SYNPO: variants seen among roughly 807,000 people sequenced by gnomAD.
SYNPO encodes the protein synaptopodin.
Under a neutral mutation model 49.5 loss-of-function variants are expected in SYNPO, and 19 were observed. The observed-to-expected ratio is 0.38, with a 90% confidence interval of 0.27 to 0.56. SYNPO has a LOEUF of 0.56. SYNPO is among the 20% of genes least tolerant of loss of function. The probability of loss-of-function intolerance (pLI) is 0.68; values close to 1 mark genes in which losing one functional copy is unlikely to be tolerated. For synonymous variants in SYNPO, 536 were observed against 548.0 expected, an observed-to-expected ratio of 0.98 and a Z score of 0.31; for missense variants, 1,131 against 1,248.3, an observed-to-expected ratio of 0.91 and a Z score of 1.42.
intron 1 of SYNPO, among the ~76,000 whole-genome samples, chr5:150,644,170 GAA>G (rs11306904): frequency 0.12 from 13,738 of 116,162 alleles, 1,675 homozygotes; most frequent in African/African-American, 0.32. Context: ...CCCTGTCTCA[GAA>G]AAAAAAAAAA....
intron 2 of SYNPO, among the ~76,000 whole-genome samples, chr5:150,627,368 C>T (rs1225492367): frequency 6.6e-6 from 1 of 152,168 alleles, no homozygotes; most frequent in Non-Finnish European, 1.5e-5. Context: ...TAGTGCTAGG[C>T]CAACCTCTGC....
chr5:150,620,900 TC>T (rs1371481555), intron 2 of SYNPO, among the ~76,000 whole-genome samples: 3,865 of 31,662 alleles, frequency 0.12, 191 homozygotes, highest in South Asian at 0.37. Flanking sequence ...TCTTTTTTTC[TC>T]TTTCTTTCTT....
chr5:150,646,869 G>T (rs1035044750), intron 1 of SYNPO, among the ~76,000 whole-genome samples: 31 of 152,324 alleles, frequency 2.0e-4, no homozygotes, highest in Non-Finnish European at 3.7e-4. Context: ...TATTCTGGGG[G>T]TTCATTTGTG....
At chr5:150,641,586 A>C (rs1340362315) in intron 1 of SYNPO, among the ~76,000 whole-genome samples, 8 of 152,094 alleles carry the variant, frequency 5.3e-5, no homozygotes, top group Admixed American at 5.2e-4. Flanking sequence ...CACGGGCCCC[A>C]GTGGTGGGCA....
chr5:150,617,398 C>T (rs574892415), intron 1 of SYNPO, among the ~76,000 whole-genome samples: 6 of 152,120 alleles, frequency 3.9e-5, no homozygotes, highest in Admixed American at 1.3e-4. Flanking sequence ...TGGATTCAAG[C>T]GATTCTCCTG....
At position 150,657,134 on chromosome 5, in the gene SYNPO, C is replaced by T. The variant is rs1325707901; in HGVS notation, c.*47C>T. The T allele has an allele frequency of 2.0e-6, 3 of 1,496,908 alleles. No homozygotes were observed. In the African/African-American group the frequency reaches 4.2e-5, roughly 21 times the overall value. The allele number at this position is 1,496,908 out of a possible 1,614,324, so 92.7% of individuals were successfully genotyped here. On this transcript the variant is annotated 3_prime_UTR_variant, in exon 3 of 3. Coordinates refer to ENST00000307662, the MANE Select transcript of SYNPO (RefSeq NM_007286.6). ...CCGGGAGGGCAGAGCCAGAAGAAGG[C>T]TCATTAGACCTGGGGGACCCAAAGG...
chr5:150,633,838 T>C (rs1213177727), intron 2 of SYNPO, among the ~76,000 whole-genome samples: 1 of 152,218 alleles, frequency 6.6e-6, no homozygotes, highest in African/African-American at 2.4e-5. Context: ...ATAATTATCA[T>C]AGGCTGTGTG....
Position 150,640,760 on chromosome 5 carries a change from A to G in SYNPO, c.-427A>G. ...ATTTTCCTGGCTTCGTCAGCCAAGC[A>G]ATTGGCTGCCTTTGCCGGAGGCTTT... On this transcript the variant is annotated 5_prime_UTR_variant, in exon 1 of 3. Transcript: ENST00000307662. 1.0e-6 allele frequency: 1 copy of G among 985,640 alleles called. No homozygotes were observed. Among genetic ancestry groups the G allele is most frequent in the Non-Finnish European group, 1.2e-6 (1 of 829,950 alleles). 61.1% of individuals were successfully genotyped at this position (985,640 alleles called of 1,614,324 possible).
intron 2 of SYNPO, among the ~76,000 whole-genome samples, chr5:150,654,957 C>T (rs1478460015): frequency 6.6e-6 from 1 of 152,144 alleles, no homozygotes; most frequent in East Asian, 1.9e-4. Flanking sequence ...GAAACCCCGT[C>T]TCTACTAAAA....
At chr5:150,621,780 G>T (rs1356504867) in intron 2 of SYNPO, among the ~76,000 whole-genome samples, 3 of 152,214 alleles carry the variant, frequency 2.0e-5, no homozygotes, top group Admixed American at 2.0e-4. Context: ...GGGCAACACA[G>T]GGCCCTGTGG....
chr5:150,625,745 C>T (rs934955041), intron 2 of SYNPO, among the ~76,000 whole-genome samples: 5 of 152,208 alleles, frequency 3.3e-5, no homozygotes, highest in Non-Finnish European at 5.9e-5. Context: ...TTGCTCCCCC[C>T]ATTACCCCAA....
chr5:150,652,638 G>T (rs993740116), intron 2 of SYNPO: 1 of 154,912 alleles, frequency 6.5e-6, no homozygotes, highest in African/African-American at 2.4e-5. Context: ...GAGGATTTTT[G>T]GGGAAAATGC....
intron 1 of SYNPO, among the ~76,000 whole-genome samples, chr5:150,612,362 T>C (rs1248980796): frequency 6.6e-6 from 1 of 152,246 alleles, no homozygotes; most frequent in Non-Finnish European, 1.5e-5. Flanking sequence ...TTGATATATA[T>C]TACGCATCTA....
At chr5:150,642,114 A>G (rs1374902463) in intron 1 of SYNPO, among the ~76,000 whole-genome samples, 7 of 152,214 alleles carry the variant, frequency 4.6e-5, no homozygotes, top group African/African-American at 1.4e-4. Flanking sequence ...TGTTGTAAGA[A>G]CTGAACAAGG....
chr5:150,628,710 A>T (rs1014290851), intron 2 of SYNPO, among the ~76,000 whole-genome samples: 2 of 152,194 alleles, frequency 1.3e-5, no homozygotes, highest in African/African-American at 4.8e-5. Context: ...GGGGTTTGAG[A>T]CCAGCCTGGC....
chr5:150,652,462 C>A, intron 2 of SYNPO: 1 of 952,634 alleles, frequency 1.0e-6, no homozygotes, highest in Non-Finnish European at 1.3e-6. Context: ...TGGCTGTGTC[C>A]TGCGTGCTGC....
At chr5:150,618,653 G>A in exon 2 of SYNPO, 1 of 1,551,260 alleles carries the variant, frequency 6.4e-7, no homozygotes, top group Non-Finnish European at 8.7e-7. Flanking sequence ...AGAGGAACAA[G>A]GGGCGTCCCA....
chr5:150,592,136 G>T, the SYNPO span, among the ~76,000 whole-genome samples: 3,793 of 152,114 alleles, frequency 0.025, 162 homozygotes, highest in African/African-American at 0.086. Context: ...TTGCACTCCA[G>T]CCTGGGCAAC....
the SYNPO span, among the ~76,000 whole-genome samples, chr5:150,591,997 C>T: frequency 6.6e-6 from 1 of 152,154 alleles, no homozygotes; most frequent in East Asian, 1.9e-4. Context: ...GAAACCCCGT[C>T]TCTACTAAAA....
Sources: allele counts gnomAD v4.1 joint callset (sites outside exome capture counted in the v4.1 genomes callset), GRCh38; gene constraint gnomAD v4.1.1; transcripts MANE v1.5; gene names NCBI Gene and HGNC (gene_info 2026-07-23, HGNC 2026-07-21).